The following SLC39A11 variants were observed in gnomAD, a reference collection of about 807,000 sequenced individuals.
SLC39A11 encodes the protein solute carrier family 39 member 11.
Under a neutral mutation model 36.1 loss-of-function variants are expected in SLC39A11, and 33 were observed. The ratio of observed to expected loss-of-function variants is 0.91; its 90% CI spans 0.69 to 1.22. The LOEUF (loss-of-function observed/expected upper bound fraction) is 1.22. Among genes scored for constraint, SLC39A11 ranks in the 50% most tolerant of loss-of-function variants. The probability of loss-of-function intolerance (pLI) is 0.00; values close to 1 mark genes in which losing one functional copy is unlikely to be tolerated. For synonymous variants in SLC39A11, 166 were observed against 170.3 expected (o/e 0.97, Z 0.20); for missense variants, 432 against 430.3 (o/e 1.00, Z -0.03).
At position 72,819,057 on chromosome 17, in the gene SLC39A11, A is replaced by G. The variant is rs548721282; in HGVS notation, c.601+30577T>C. ...CTGGATGGAGGGGTGTCATAAATTG[A>G]ACTGTCTCTCCCCCAAATTAATATG... On this transcript the variant is annotated intron_variant, in intron 6 of 9. Coordinates refer to ENST00000255559, the MANE Select transcript of SLC39A11 (RefSeq NM_139177.4). 4 of 152,232 alleles carry G rather than the reference A, an allele frequency of 2.6e-5. No individual in the cohort carries two copies. The South Asian group carries it at 8.3e-4, about 32-fold the overall frequency. The allele number at this position is 152,232 out of a possible 1,614,324, so 9.4% of individuals were successfully genotyped here. A position where few individuals can be genotyped will look rare whatever the true frequency, so the allele number is the denominator to read the frequency against.
intron 7 of SLC39A11, among the ~76,000 whole-genome samples, chr17:72,668,286 G>C (rs1429660403): frequency 6.6e-6 from 1 of 150,886 alleles, no homozygotes; most frequent in African/African-American, 2.4e-5. Context: ...TCTTGACCAA[G>C]TCAGTAACTA....
At chr17:72,798,405 C>A (rs2076968033) in intron 6 of SLC39A11, among the ~76,000 whole-genome samples, 1 of 129,268 alleles carries the variant, frequency 7.7e-6, no homozygotes, top group Non-Finnish European at 1.7e-5. Flanking sequence ...TGGTCTCTTC[C>A]ACTTCTTTCT....
chr17:72,990,474 G>A (rs1456284338), intron 4 of SLC39A11, among the ~76,000 whole-genome samples: 1 of 152,074 alleles, frequency 6.6e-6, no homozygotes, highest in Non-Finnish European at 1.5e-5. Flanking sequence ...CTGGAGTGTA[G>A]TGGCGTGATC....
intron 5 of SLC39A11, among the ~76,000 whole-genome samples, chr17:72,908,936 T>C (rs1025745768): frequency 3.3e-5 from 5 of 152,214 alleles, no homozygotes; most frequent in African/African-American, 1.2e-4. Flanking sequence ...GAGCCAAGCC[T>C]GGTCATCTCA....
chr17:72,682,591 T>C (rs568092488), intron 7 of SLC39A11, among the ~76,000 whole-genome samples: 8 of 152,300 alleles, frequency 5.3e-5, no homozygotes, highest in African/African-American at 1.9e-4. Context: ...CAGCTGATTG[T>C]GGGCAAGACA....
At chr17:72,958,294 G>A (rs1049418738) in intron 4 of SLC39A11, among the ~76,000 whole-genome samples, 1 of 152,174 alleles carries the variant, frequency 6.6e-6, no homozygotes, top group African/African-American at 2.4e-5. Flanking sequence ...TCTAGACATT[G>A]GTTTAGGCAA....
intron 5 of SLC39A11, among the ~76,000 whole-genome samples, chr17:72,889,356 A>G (rs2146689547): frequency 6.6e-6 from 1 of 152,260 alleles, no homozygotes; most frequent in Middle Eastern, 3.4e-3. Flanking sequence ...CTCCAATAAA[A>G]ATACAAAAAT....
intron 6 of SLC39A11, among the ~76,000 whole-genome samples, chr17:72,796,720 T>G (rs1361739481): frequency 6.6e-6 from 1 of 152,148 alleles, no homozygotes; most frequent in Admixed American, 6.5e-5. Context: ...TCAAATTCGA[T>G]GCTGACTTAG....
chr17:73,038,233 C>T (rs1371796758), intron 3 of SLC39A11, among the ~76,000 whole-genome samples: 1 of 151,904 alleles, frequency 6.6e-6, no homozygotes, highest in Non-Finnish European at 1.5e-5. Context: ...CAAAAACAAA[C>T]AAACAAACCA....
chr17:73,053,650 T>TTAGCGAAA (rs1292136421), intron 3 of SLC39A11, among the ~76,000 whole-genome samples: 1 of 152,176 alleles, frequency 6.6e-6, no homozygotes, highest in African/African-American at 2.4e-5. Context: ...CAACTAGTGA[T>TTAGCGAAA]TAGCGAAACC....
chr17:73,041,977 C>T (rs2059125860), intron 3 of SLC39A11, among the ~76,000 whole-genome samples: 1 of 152,110 alleles, frequency 6.6e-6, no homozygotes, highest in Non-Finnish European at 1.5e-5. Context: ...CTATTAATTT[C>T]CCTCTGGTGT....
intron 4 of SLC39A11, among the ~76,000 whole-genome samples, chr17:72,956,838 G>A (rs973282780): frequency 5.3e-5 from 8 of 152,016 alleles, no homozygotes; most frequent in South Asian, 2.1e-4. Flanking sequence ...TGTATGTATC[G>A]CACAACTATT....
At chr17:72,818,621 G>T (rs1451157400) in intron 6 of SLC39A11, among the ~76,000 whole-genome samples, 1 of 152,020 alleles carries the variant, frequency 6.6e-6, no homozygotes, top group Non-Finnish European at 1.5e-5. Flanking sequence ...CTCATTTCTG[G>T]ACTCTACTTA....
chr17:72,687,417 G>C (rs967230983), intron 7 of SLC39A11, among the ~76,000 whole-genome samples: 1 of 152,156 alleles, frequency 6.6e-6, no homozygotes. Context: ...CTAATTTTTT[G>C]TATTTTTAGT....
intron 4 of SLC39A11, among the ~76,000 whole-genome samples, chr17:72,955,861 G>A (rs182448106): frequency 6.6e-6 from 1 of 152,206 alleles, no homozygotes; most frequent in East Asian, 1.9e-4. Context: ...GGAAGAAAAG[G>A]CTTAAAAGAA....
At chr17:72,823,401 G>A (rs1471928756) in intron 6 of SLC39A11, among the ~76,000 whole-genome samples, 1 of 151,062 alleles carries the variant, frequency 6.6e-6, no homozygotes, top group Non-Finnish European at 1.5e-5. Context: ...TTGGTTCCGT[G>A]CATCAATCTC....
chr17:72,841,564 G>T (rs1325067605), intron 6 of SLC39A11, among the ~76,000 whole-genome samples: 1 of 152,098 alleles, frequency 6.6e-6, no homozygotes, highest in East Asian at 1.9e-4. Flanking sequence ...GGCAGTCGGG[G>T]AGTCGGGGGA....
intron 3 of SLC39A11, among the ~76,000 whole-genome samples, chr17:73,067,494 T>C (rs994074745): frequency 1.3e-5 from 2 of 152,246 alleles, no homozygotes; most frequent in African/African-American, 2.4e-5. Flanking sequence ...CCATGGTCTC[T>C]AGATTTCTTC....
intron 2 of SLC39A11, 75 bp from the exon 3 acceptor site, chr17:73,084,921 A>G: frequency 2.0e-6 from 3 of 1,493,512 alleles, no homozygotes; most frequent in Non-Finnish European, 2.8e-6. Flanking sequence ...AAGAAACCAT[A>G]AGGCCCAAAA....
Sources: gnomAD v4.1 joint callset for allele counts (sites outside exome capture counted in the v4.1 genomes callset) on GRCh38, gnomAD v4.1.1 for gene constraint, MANE v1.5 for transcripts, NCBI Gene and HGNC (gene_info 2026-07-23, HGNC 2026-07-21) for gene names.